PCDHGB4: variants seen among roughly 807,000 people sequenced by gnomAD.
PCDHGB4 encodes protocadherin gamma subfamily B, 4.
A neutral mutation model predicts 60.5 loss-of-function variants in PCDHGB4; 38 were observed. The observed-to-expected ratio is 0.63, with a 90% CI of 0.48 to 0.82. The LOEUF (loss-of-function observed/expected upper bound fraction) is 0.82, where lower values mean the gene tolerates loss of function less well. Ranked by LOEUF, PCDHGB4 falls within the 40% of genes least tolerant of loss-of-function variation. PCDHGB4 has a pLI of 0.00. For synonymous variants in PCDHGB4, 456 were observed against 509.7 expected, an observed-to-expected ratio of 0.89 and a Z score of 1.42; for missense variants, 1,109 against 1,209.6, an observed-to-expected ratio of 0.92 and a Z score of 1.23.
intron 1 of PCDHGB4, chr5:141,417,573 C>A: frequency 2.7e-6 from 1 of 377,070 alleles, no homozygotes; most frequent in Non-Finnish European, 4.7e-6. Flanking sequence ...AGTCAAGTTG[C>A]AGTCCCACAC....
At chr5:141,409,357 T>C (rs754237134) in intron 1 of PCDHGB4, 4 of 1,613,968 alleles carry the variant, frequency 2.5e-6, no homozygotes, top group Non-Finnish European at 2.5e-6. Flanking sequence ...TCAGGTGTAA[T>C]ATAGAAACAG....
Position 141,438,591 on chromosome 5 carries a change from C to CAT in PCDHGB4, c.2397+48354_2397+48355dup, listed in dbSNP as rs946798767. On this transcript the variant is annotated intron_variant, in intron 1 of 3. Coordinates refer to ENST00000519479, the MANE Select transcript of PCDHGB4 (RefSeq NM_003736.4). ...TCTGATATACATACATACATACATA[C>CAT]ATATATATATATATATATATATATA... Among the ~76,000 whole-genome samples the CAT allele has an allele frequency of 6.3e-3, 476 of 75,268 alleles. 1 individual carries two copies. The highest frequency in any genetic ancestry group is 9.5e-3 in the Non-Finnish European group (352 of 37,106). 49.4% of individuals were successfully genotyped at this position (75,268 alleles called of 152,430 possible). A position where few individuals can be genotyped will look rare whatever the true frequency, so the allele number is the denominator to read the frequency against.
chr5:141,491,895 A>C lies in PCDHGB4; in HGVS notation c.2398-2912A>C. 1.4e-6 allele frequency: 2 copies of C among 1,434,306 alleles called. No individual in the cohort carries two copies. The highest frequency in any genetic ancestry group is 1.8e-6 in the Non-Finnish European group (2 of 1,084,904). 88.8% of individuals were successfully genotyped at this position (1,434,306 alleles called of 1,614,324 possible). Reference sequence around the variant, plus strand: ...CCGATTAAGGGATGGGGCTCCGAGCACCGGGGGTGGTGGCGACTGTGGGCG... The same window carrying C: ...CCGATTAAGGGATGGGGCTCCGAGCCCCGGGGGTGGTGGCGACTGTGGGCG... On this transcript the variant is annotated intron_variant, in intron 1 of 3. Transcript: ENST00000519479. The surrounding 1 kb of genome is among the most constrained non-coding windows in gnomAD (Gnocchi z 6.9).
intron 1 of PCDHGB4, among the ~76,000 whole-genome samples, chr5:141,448,316 T>C (rs1042171540): frequency 6.6e-6 from 1 of 152,174 alleles, no homozygotes; most frequent in Non-Finnish European, 1.5e-5. Flanking sequence ...AGGAATCTTT[T>C]CTTTGAATCT....
intron 1 of PCDHGB4, chr5:141,423,181 C>T: frequency 1.2e-6 from 2 of 1,613,578 alleles, no homozygotes; most frequent in East Asian, 2.2e-5. Flanking sequence ...GGACCACGGC[C>T]AGCCCCCTCT....
At chr5:141,457,791 A>G (rs554446263) in intron 1 of PCDHGB4, among the ~76,000 whole-genome samples, 1 of 152,318 alleles carries the variant, frequency 6.6e-6, no homozygotes, top group South Asian at 2.1e-4. Flanking sequence ...GAGTTGGGTT[A>G]TCCTCTCCTC....
Position 141,486,344 on chromosome 5 carries a change from G to C in PCDHGB4, c.2398-8463G>C. 6.2e-7 allele frequency: 1 copy of C among 1,614,062 alleles called. No homozygotes were observed. The highest frequency in any genetic ancestry group is 8.5e-7 in the Non-Finnish European group (1 of 1,180,022). On this transcript the variant is annotated intron_variant, in intron 1 of 3. Transcript: ENST00000519479. The surrounding 1 kb of genome is among the most constrained non-coding windows in gnomAD (Gnocchi z 5.0). Reference sequence around the variant, plus strand: ...CGGAGATGTGAGCCTCCGCATTCCTGACCACTTGCCATTTGCCCTCAAGTC... The same window carrying C: ...CGGAGATGTGAGCCTCCGCATTCCTCACCACTTGCCATTTGCCCTCAAGTC...
In PCDHGB4 at chr5:141,487,715, C is replaced by T. The variant is rs1209272301; in HGVS notation, c.2398-7092C>T. 2.5e-6 allele frequency: 4 copies of T among 1,582,708 alleles called. No individual in the cohort carries two copies. The highest frequency in any genetic ancestry group is 1.8e-5 in the Admixed American group (1 of 54,696). The stretch of plus-strand genomic sequence containing the variant: ...GAGTACTGGCCTCTCAGTAAGTGCC[C>T]ATAGTGATGTCACCATTTTTGTAAG... On this transcript the variant is annotated intron_variant, in intron 1 of 3. Transcript: ENST00000519479. This position sits in a 1 kb window ranked among gnomAD's most constrained non-coding sequence, Gnocchi z 5.0.
chr5:141,476,317 G>C lies in PCDHGB4; in HGVS notation c.2398-18490G>C, dbSNP rs759809060. The C allele has an allele frequency of 1.2e-6, 2 of 1,614,052 alleles. No homozygotes were observed. The highest frequency in any genetic ancestry group is 2.7e-5 in the African/African-American group (2 of 74,922). ...GTAGCCTCTCAGCCCGCAGGTTCCGGGTGGTGTCTGGAGCTAGCCGAAGAT... is the reference window on the plus strand; with the variant it reads ...GTAGCCTCTCAGCCCGCAGGTTCCGCGTGGTGTCTGGAGCTAGCCGAAGAT... On this transcript the variant is annotated intron_variant, in intron 1 of 3. Coordinates refer to ENST00000519479, the MANE Select transcript of PCDHGB4 (RefSeq NM_003736.4). The surrounding 1 kb of genome is among the most constrained non-coding windows in gnomAD (Gnocchi z 7.6).
rs925541311 is a variant in PCDHGB4 at position 141,431,452 on chromosome 5, G to C, written c.2397+41171G>C. 11 of 1,613,630 alleles carry C rather than the reference G, an allele frequency of 6.8e-6. No individual in the cohort carries two copies. The highest frequency in any genetic ancestry group is 9.3e-6 in the Non-Finnish European group (11 of 1,179,982). On this transcript the variant is annotated intron_variant, in intron 1 of 3. Transcript: ENST00000519479. The surrounding 1 kb of genome is among the most constrained non-coding windows in gnomAD (Gnocchi z 4.8). ...CAGGCACCGCGCGCATCCGCGTGAT[G>C]GTTCTGGATGCGAACGACAACGCAC...
intron 1 of PCDHGB4, among the ~76,000 whole-genome samples, chr5:141,438,633 T>C (rs1222106413): frequency 2.9e-5 from 1 of 34,046 alleles, no homozygotes; most frequent in Non-Finnish European, 5.1e-5. Context: ...TATATATATA[T>C]ATACACACAC....
intron 1 of PCDHGB4, among the ~76,000 whole-genome samples, chr5:141,471,046 CTTTT>C (rs1170588345): frequency 5.3e-5 from 6 of 113,264 alleles, no homozygotes; most frequent in Admixed American, 9.3e-5. Context: ...CCCAAGCCCT[CTTTT>C]TTTTTTTTTT....
intron 1 of PCDHGB4, chr5:141,398,274 C>G (rs1323516270): frequency 7.1e-7 from 1 of 1,416,776 alleles, no homozygotes; most frequent in African/African-American, 1.5e-5. Context: ...TAGTGGGGAA[C>G]CTCGCCACGG....
chr5:141,506,177 G>T (rs1024892091), intron 3 of PCDHGB4, among the ~76,000 whole-genome samples: 4 of 152,142 alleles, frequency 2.6e-5, no homozygotes, highest in African/African-American at 9.7e-5. Context: ...TAAGCTGGGC[G>T]TGGTGGCTCA....
chr5:141,409,165 G>T (rs2095233723), intron 1 of PCDHGB4: 1 of 1,613,886 alleles, frequency 6.2e-7, no homozygotes, highest in Admixed American at 1.7e-5. Flanking sequence ...AAGTGGAAGC[G>T]AAGGACGGAG....
intron 1 of PCDHGB4, chr5:141,398,414 G>A (rs373274513): frequency 1.2e-4 from 186 of 1,488,072 alleles, no homozygotes; most frequent in Non-Finnish European, 1.6e-4. Context: ...GAGGAGATAT[G>A]CGGGAAGAAG....
chr5:141,478,819 C>T, intron 1 of PCDHGB4: 8 of 1,447,842 alleles, frequency 5.5e-6, no homozygotes, highest in South Asian at 3.0e-5. Flanking sequence ...CACAACTAAC[C>T]AATCTTGCTA....
chr5:141,494,439 C>T (rs1009257996), intron 1 of PCDHGB4, among the ~76,000 whole-genome samples: 1 of 152,126 alleles, frequency 6.6e-6, no homozygotes, highest in Non-Finnish European at 1.5e-5. Flanking sequence ...CCTCCTTTGC[C>T]ACTTTAGGGG....
At chr5:141,396,661 A>T (rs2093417070) in intron 1 of PCDHGB4, 1 of 152,162 alleles carries the variant, frequency 6.6e-6, no homozygotes, top group Admixed American at 6.5e-5. Flanking sequence ...AACTCGGTAT[A>T]GGCTATCCAT....
Sources: gnomAD v4.1 joint callset for allele counts (sites outside exome capture counted in the v4.1 genomes callset) on GRCh38, gnomAD v4.1.1 for gene constraint, Gnocchi (gnomAD v3.1) non-coding constraint, MANE v1.5 for transcripts, NCBI Gene and HGNC (gene_info 2026-07-23, HGNC 2026-07-21) for gene names.